Variants in SAMTOR observed in about 807,000 individuals in gnomAD.
SAMTOR encodes S-adenosylmethionine sensor upstream of mTORC1.
At chr7:112,847,896 T>C in the SAMTOR span, among the ~76,000 whole-genome samples, 2 of 152,192 alleles carry the variant, frequency 1.3e-5, no homozygotes, top group Non-Finnish European at 2.9e-5. Flanking sequence ...CTAGTGCTTT[T>C]GGGAGGCTAG....
the SAMTOR span, among the ~76,000 whole-genome samples, chr7:112,938,730 T>C: frequency 1.3e-5 from 2 of 152,180 alleles, no homozygotes; most frequent in African/African-American, 2.4e-5. Context: ...CAAAAGCCTA[T>C]ATTTAAAGAT....
the SAMTOR span, among the ~76,000 whole-genome samples, chr7:112,846,270 A>G: frequency 2.6e-5 from 4 of 151,768 alleles, no homozygotes; most frequent in Non-Finnish European, 5.9e-5. Flanking sequence ...AAACTAATGC[A>G]GAAACAGAAA....
At chr7:112,935,820 T>A in the SAMTOR span, among the ~76,000 whole-genome samples, 1 of 152,070 alleles carries the variant, frequency 6.6e-6, no homozygotes, top group Non-Finnish European at 1.5e-5. Context: ...ACGCTTTAAG[T>A]TTAGAAAGAG....
chr7:112,920,533 C>G, the SAMTOR span, among the ~76,000 whole-genome samples: 20 of 150,096 alleles, frequency 1.3e-4, no homozygotes, highest in African/African-American at 4.0e-4. Context: ...CCTTTGAAAA[C>G]TGGCACAAGA....
the SAMTOR span, chr7:112,821,741 A>T: frequency 6.3e-7 from 1 of 1,581,528 alleles, no homozygotes; most frequent in African/African-American, 1.4e-5. Context: ...TTTTGCTTCT[A>T]TATTAACTTA....
the SAMTOR span, among the ~76,000 whole-genome samples, chr7:112,921,150 G>T: frequency 6.6e-6 from 1 of 152,126 alleles, no homozygotes; most frequent in Non-Finnish European, 1.5e-5. Context: ...TCAACCCTAA[G>T]CCAAAAGAAC....
the SAMTOR span, chr7:112,939,575 T>A: frequency 6.2e-7 from 1 of 1,613,624 alleles, no homozygotes; most frequent in Admixed American, 1.7e-5. Context: ...CCTCCCTCAC[T>A]CAGCGCGCTG....
At chr7:112,900,135 T>A in the SAMTOR span, among the ~76,000 whole-genome samples, 3,499 of 152,210 alleles carry the variant, frequency 0.023, 67 homozygotes, top group Admixed American at 0.042. Context: ...TATATATATA[T>A]AAACAGATAT....
chr7:112,822,005 C>T, the SAMTOR span: 1 of 1,613,618 alleles, frequency 6.2e-7, no homozygotes, highest in Non-Finnish European at 8.5e-7. Flanking sequence ...GAGAGATTTT[C>T]CTAAATGCCA....
chr7:112,920,503 G>A, the SAMTOR span, among the ~76,000 whole-genome samples: 2 of 149,446 alleles, frequency 1.3e-5, no homozygotes, highest in Non-Finnish European at 3.0e-5. Flanking sequence ...ATACTGAATG[G>A]GCAAAAACTG....
At chr7:112,897,012 G>GA in the SAMTOR span, among the ~76,000 whole-genome samples, 1 of 152,070 alleles carries the variant, frequency 6.6e-6, no homozygotes, top group African/African-American at 2.4e-5. Flanking sequence ...ATTCACAAAT[G>GA]AAAAAACCCT....
chr7:112,840,580 T>C, the SAMTOR span, among the ~76,000 whole-genome samples: 3 of 151,902 alleles, frequency 2.0e-5, no homozygotes, highest in Non-Finnish European at 4.4e-5. Flanking sequence ...TTCTTGTCTG[T>C]GTGAGGCAAG....
chr7:112,848,556 CAG>C, the SAMTOR span, among the ~76,000 whole-genome samples: 1 of 152,122 alleles, frequency 6.6e-6, no homozygotes, highest in Non-Finnish European at 1.5e-5. Flanking sequence ...AAGGGAAACT[CAG>C]AGCGCTGGAG....
the SAMTOR span, among the ~76,000 whole-genome samples, chr7:112,853,579 T>C: frequency 2.0e-5 from 3 of 152,148 alleles, no homozygotes; most frequent in East Asian, 5.8e-4. Flanking sequence ...AAGTAAGCTT[T>C]TTTTGCTTAT....
the SAMTOR span, among the ~76,000 whole-genome samples, chr7:112,870,134 C>T: frequency 6.6e-6 from 1 of 152,112 alleles, no homozygotes; most frequent in African/African-American, 2.4e-5. Context: ...TACATGAGGA[C>T]ATAATTCATG....
chr7:112,862,174 G>T, the SAMTOR span, among the ~76,000 whole-genome samples: 1 of 152,176 alleles, frequency 6.6e-6, no homozygotes. Flanking sequence ...AGAATTGTTT[G>T]AGCCCAGCAG....
At chr7:112,830,955 A>G in the SAMTOR span, among the ~76,000 whole-genome samples, 1 of 151,956 alleles carries the variant, frequency 6.6e-6, no homozygotes, top group Non-Finnish European at 1.5e-5. Context: ...TATACAGATG[A>G]GAAAACTGAG....
chr7:112,907,576 A>G, the SAMTOR span, among the ~76,000 whole-genome samples: 2 of 152,026 alleles, frequency 1.3e-5, no homozygotes, highest in South Asian at 4.1e-4. Flanking sequence ...TTTATAAATG[A>G]TATAAAGAGC....
the SAMTOR span, among the ~76,000 whole-genome samples, chr7:112,919,744 C>T: frequency 1.3e-5 from 2 of 151,184 alleles, 1 homozygote; most frequent in Admixed American, 1.3e-4. Flanking sequence ...CAAATAGACG[C>T]AATAAAAAAT....
Sources: gnomAD v4.1 joint callset for allele counts (sites outside exome capture counted in the v4.1 genomes callset) on GRCh38, gnomAD v4.1.1 for gene constraint, MANE v1.5 for transcripts, NCBI Gene and HGNC (gene_info 2026-07-23, HGNC 2026-07-21) for gene names.